ASIC2: variants seen among roughly 807,000 people sequenced by gnomAD.
The protein encoded by ASIC2 is acid sensing ion channel subunit 2.
Under a neutral mutation model 57.3 loss-of-function variants are expected in ASIC2, and 25 were observed. The observed-to-expected ratio is 0.44, with a 90% CI of 0.32 to 0.61. The LOEUF is 0.61. Among genes scored for constraint, ASIC2 ranks in the 20% least tolerant of loss-of-function variants. The pLI is 0.06. For synonymous variants in ASIC2, 319 were observed against 307.5 expected (o/e 1.04, Z -0.39); for missense variants, 641 against 738.1 (o/e 0.87, Z 1.52).
rs1453897305 is a variant in ASIC2, at chr17:33,403,207, AC to A, written c.556-291141del. Among the ~76,000 whole-genome samples the A allele has an allele frequency of 2.0e-5, 3 of 152,200 alleles. No individual in the cohort carries two copies. In the East Asian group the frequency reaches 5.8e-4, roughly 29 times the overall value. ...GCAGAGCCTGTGAGAGCCTTTGGTT[AC>A]TATTCTCTTTAGCATCTTTAGCAGA... On this transcript the variant is annotated intron_variant, in intron 1 of 9. Coordinates refer to the ASIC2 transcript ENST00000359872.
intron 1 of ASIC2, among the ~76,000 whole-genome samples, chr17:34,058,120 T>C (rs1183731633): frequency 6.6e-6 from 1 of 152,228 alleles, no homozygotes; most frequent in Non-Finnish European, 1.5e-5. Flanking sequence ...ATTACATATT[T>C]CTAAGTGCTA....
At chr17:33,733,494 G>A (rs866575737) in intron 1 of ASIC2, among the ~76,000 whole-genome samples, 1 of 152,194 alleles carries the variant, frequency 6.6e-6, no homozygotes, top group African/African-American at 2.4e-5. Flanking sequence ...GACGGAGAGG[G>A]TGAGGGAGAG....
intron 1 of ASIC2, among the ~76,000 whole-genome samples, chr17:33,721,985 A>C (rs1044943509): frequency 2.0e-5 from 3 of 152,230 alleles, no homozygotes; most frequent in African/African-American, 7.2e-5. Context: ...GGAAACATTT[A>C]TCATCATATC....
intron 1 of ASIC2, among the ~76,000 whole-genome samples, chr17:33,838,669 T>C (rs1330514617): frequency 6.6e-6 from 1 of 152,168 alleles, no homozygotes; most frequent in Non-Finnish European, 1.5e-5. Context: ...CAACAATAGT[T>C]AGATAACTGG....
intron 1 of ASIC2, among the ~76,000 whole-genome samples, chr17:33,299,621 C>G (rs547075345): frequency 6.6e-6 from 1 of 152,082 alleles, no homozygotes; most frequent in Non-Finnish European, 1.5e-5. Flanking sequence ...GTTTTTTGCC[C>G]TTTTAGTCAT....
At chr17:34,119,622 CACACACACACACACACACAA>C (rs930974018) in intron 1 of ASIC2, among the ~76,000 whole-genome samples, 1 of 47,378 alleles carries the variant, frequency 2.1e-5, no homozygotes, top group African/African-American at 3.4e-5. Flanking sequence ...GACACACACA[CACACACACACACACACACAA>C]ACACACACAC....
intron 1 of ASIC2, among the ~76,000 whole-genome samples, chr17:33,304,499 C>T (rs1025191499): frequency 6.6e-6 from 1 of 152,188 alleles, no homozygotes; most frequent in Non-Finnish European, 1.5e-5. Context: ...TTTTGGTTGA[C>T]CTGACTGTCC....
chr17:33,619,730 T>C (rs1192827815), intron 1 of ASIC2, among the ~76,000 whole-genome samples: 1 of 152,208 alleles, frequency 6.6e-6, no homozygotes, highest in African/African-American at 2.4e-5. Flanking sequence ...GCTGCTAAAC[T>C]TACAGCAGAG....
At chr17:33,858,971 C>T (rs1434437121) in intron 1 of ASIC2, among the ~76,000 whole-genome samples, 1 of 152,142 alleles carries the variant, frequency 6.6e-6, no homozygotes, top group Admixed American at 6.5e-5. Context: ...ATTGACATGG[C>T]CCAGACTGTC....
At chr17:33,495,438 G>A (rs8064636) in intron 1 of ASIC2, among the ~76,000 whole-genome samples, 15,591 of 152,206 alleles carry the variant, frequency 0.1, 1,923 homozygotes, top group African/African-American at 0.3. Flanking sequence ...CCAAGAAGGA[G>A]CATGATCCCA....
intron 1 of ASIC2, among the ~76,000 whole-genome samples, chr17:33,830,830 G>A (rs528081190): frequency 1.3e-5 from 2 of 151,994 alleles, no homozygotes; most frequent in African/African-American, 4.8e-5. Flanking sequence ...AGCAAGTCCT[G>A]CAGGGCGCGG....
At chr17:34,025,454 AG>A (rs961554172) in intron 1 of ASIC2, among the ~76,000 whole-genome samples, 5 of 152,164 alleles carry the variant, frequency 3.3e-5, no homozygotes, top group Admixed American at 3.3e-4. Flanking sequence ...TACACACAAA[AG>A]CACCCGACCT....
At chr17:33,767,692 CAA>C (rs1910973578) in intron 1 of ASIC2, among the ~76,000 whole-genome samples, 1 of 152,182 alleles carries the variant, frequency 6.6e-6, no homozygotes, top group South Asian at 2.1e-4. Context: ...TACAAAAGGA[CAA>C]AGAGTATTTC....
chr17:34,089,742 G>C (rs1330299544), intron 1 of ASIC2, among the ~76,000 whole-genome samples: 2 of 152,100 alleles, frequency 1.3e-5, no homozygotes, highest in East Asian at 3.9e-4. Flanking sequence ...GACTCACTCT[G>C]ATCTTACACC....
intron 1 of ASIC2, among the ~76,000 whole-genome samples, chr17:33,681,136 G>A (rs528743104): frequency 6.6e-6 from 1 of 152,328 alleles, no homozygotes; most frequent in South Asian, 2.1e-4. Context: ...AATGCATTTT[G>A]TTCAGGCATC....
intron 1 of ASIC2, among the ~76,000 whole-genome samples, chr17:33,203,173 G>A (rs757511315): frequency 1.3e-5 from 2 of 152,316 alleles, no homozygotes; most frequent in East Asian, 1.9e-4. Context: ...CCTGTATTAT[G>A]TTGTGTTAGA....
chr17:33,274,018 G>A (rs1427508945), intron 1 of ASIC2, among the ~76,000 whole-genome samples: 1 of 152,178 alleles, frequency 6.6e-6, no homozygotes, highest in Non-Finnish European at 1.5e-5. Flanking sequence ...AAGAAACTGA[G>A]GTGCAGAAAT....
At chr17:33,311,505 G>A (rs1906423342) in intron 1 of ASIC2, among the ~76,000 whole-genome samples, 2 of 151,884 alleles carry the variant, frequency 1.3e-5, no homozygotes, top group South Asian at 4.2e-4. Flanking sequence ...GGAATGCAGG[G>A]CAGCCCAGTT....
At chr17:33,044,063 G>T (rs1474476954) in intron 3 of ASIC2, among the ~76,000 whole-genome samples, 3 of 150,866 alleles carry the variant, frequency 2.0e-5, no homozygotes, top group African/African-American at 7.5e-5. Flanking sequence ...AAAAGCAACA[G>T]GATTTTTTTT....
Sources: gnomAD v4.1 joint callset for allele counts (sites outside exome capture counted in the v4.1 genomes callset) on GRCh38, gnomAD v4.1.1 for gene constraint, MANE v1.5 for transcripts, NCBI Gene and HGNC (gene_info 2026-07-23, HGNC 2026-07-21) for gene names.